Variants in BMPR1B observed in about 807,000 individuals in gnomAD.
BMPR1B encodes the protein bone morphogenetic protein receptor type 1B, also known as bone morphogenetic protein receptor type-1B.
Under a neutral mutation model 59.1 loss-of-function variants are expected in BMPR1B, and 12 were observed. That is an observed-to-expected ratio of 0.20 (90% CI 0.13 to 0.33). BMPR1B has a LOEUF of 0.33. Among genes scored for constraint, BMPR1B ranks in the 10% least tolerant of loss-of-function variants. The probability of loss-of-function intolerance (pLI) is 1.00; values close to 1 mark genes in which losing one functional copy is unlikely to be tolerated. For missense variants in BMPR1B, 550 were observed against 610.9 expected, an observed-to-expected ratio of 0.90 and a Z score of 1.05; for synonymous variants, 237 against 207.3, an observed-to-expected ratio of 1.14 and a Z score of -1.23.
intron 10 of BMPR1B, among the ~76,000 whole-genome samples, chr4:95,142,723 C>T (rs1378210372): frequency 6.6e-6 from 1 of 151,894 alleles, no homozygotes; most frequent in Non-Finnish European, 1.5e-5. Flanking sequence ...ATTGCCACAG[C>T]GGGCTGTGCT....
At chr4:95,119,279 G>A (rs1300770691) in intron 6 of BMPR1B, among the ~76,000 whole-genome samples, 2 of 152,100 alleles carry the variant, frequency 1.3e-5, no homozygotes, top group Admixed American at 6.6e-5. Flanking sequence ...CAGTCTTAAC[G>A]TATTTGTGTG....
At chr4:95,144,020 C>T (rs1241903141) in intron 10 of BMPR1B, among the ~76,000 whole-genome samples, 4 of 151,058 alleles carry the variant, frequency 2.6e-5, no homozygotes, top group Non-Finnish European at 4.4e-5. Context: ...TTTTTTTACC[C>T]CTACAGGGCT....
chr4:95,086,227 A>G (rs1167226953), intron 3 of BMPR1B, among the ~76,000 whole-genome samples: 1 of 152,114 alleles, frequency 6.6e-6, no homozygotes, highest in African/African-American at 2.4e-5. Flanking sequence ...CTATTTTTTA[A>G]AAATTAAGAA....
At chr4:94,966,852 A>T (rs1730573848) in intron 2 of BMPR1B, among the ~76,000 whole-genome samples, 2 of 152,180 alleles carry the variant, frequency 1.3e-5, no homozygotes, top group African/African-American at 4.8e-5. Context: ...TTGATATGGT[A>T]GATTTATACA....
chr4:94,795,232 G>A (rs1009653208), intron 1 of BMPR1B, among the ~76,000 whole-genome samples: 1 of 147,092 alleles, frequency 6.8e-6, no homozygotes, highest in Non-Finnish European at 1.5e-5. Flanking sequence ...AGCATGAAGG[G>A]TTGTTGAATT....
rs1412113319 is a variant in BMPR1B, at chr4:95,148,847, C to G, written c.1176C>G (p.Phe392Leu). The change falls in exon 11 of 13, where the codon TTC (phenylalanine) becomes TTG (leucine). Residue 392 changes from phenylalanine (F) to leucine (L), a missense_variant. Physicochemically the swap from Phe to Leu is conservative, Grantham distance 22. Coordinates refer to ENST00000515059, the MANE Select transcript of BMPR1B (RefSeq NM_001203.3). ...ACGAGAGCTTGAACAGAAATCACTT[C>G]CAGTCTTACATCATGGCTGACATGT... is the stretch of plus-strand genomic sequence containing the variant. ...VLDESLNRNH[F>L]QSYIMADMYS... 3 of 1,614,074 alleles carry G rather than the reference C, an allele frequency of 1.9e-6. No individual in the cohort carries two copies. The highest frequency in any genetic ancestry group is 2.2e-5 in the South Asian group (2 of 91,086).
At chr4:95,071,652 G>GTATATA (rs58148216) in intron 3 of BMPR1B, among the ~76,000 whole-genome samples, 2,200 of 84,198 alleles carry the variant, frequency 0.026, 53 homozygotes, top group East Asian at 0.092. Flanking sequence ...GTGTGTGTGT[G>GTATATA]TATATATATA....
At chr4:94,800,959 G>A (rs866084645) in intron 1 of BMPR1B, among the ~76,000 whole-genome samples, 1 of 152,154 alleles carries the variant, frequency 6.6e-6, no homozygotes, top group East Asian at 1.9e-4. Context: ...GAAGAGATGG[G>A]TATAGGTAGA....
chr4:94,846,903 G>A (rs902635466), intron 1 of BMPR1B, among the ~76,000 whole-genome samples: 1 of 151,472 alleles, frequency 6.6e-6, no homozygotes, highest in African/African-American at 2.4e-5. Flanking sequence ...AAAATTTCTT[G>A]AGTAATACTC....
At chr4:94,790,514 CT>C (rs1450012587) in intron 1 of BMPR1B, among the ~76,000 whole-genome samples, 1 of 152,092 alleles carries the variant, frequency 6.6e-6, no homozygotes, top group Admixed American at 6.6e-5. Context: ...TGCCTTCTCC[CT>C]TTTCCCCGGC....
intron 1 of BMPR1B, among the ~76,000 whole-genome samples, chr4:94,812,133 G>A (rs1019585820): frequency 6.6e-6 from 1 of 152,084 alleles, no homozygotes; most frequent in African/African-American, 2.4e-5. Context: ...AGCACTTATT[G>A]AGCATTAACT....
intron 2 of BMPR1B, among the ~76,000 whole-genome samples, chr4:94,911,385 A>C (rs1560543363): frequency 1.3e-5 from 2 of 152,248 alleles, no homozygotes; most frequent in South Asian, 2.1e-4. Context: ...AACATAGAAG[A>C]AGCTTGTTGG....
intron 1 of BMPR1B, among the ~76,000 whole-genome samples, chr4:94,831,270 G>A (rs1180567437): frequency 8.5e-6 from 1 of 117,752 alleles, no homozygotes; most frequent in Non-Finnish European, 1.9e-5. Flanking sequence ...AAAGCTTATA[G>A]AATAAGGATA....
Position 95,130,044 on chromosome 4 carries a change from A to C in BMPR1B, c.768A>C (p.Glu256Asp). 1 of 1,613,858 alleles carries C rather than the reference A, an allele frequency of 6.2e-7. No homozygotes were observed. Among genetic ancestry groups the C allele is most frequent in the Non-Finnish European group, 8.5e-7 (1 of 1,179,812 alleles). The change falls in exon 9 of 13, where the codon GAA becomes GAC. Residue 256 changes from glutamate to aspartate, a missense_variant. Glu to Asp is a conservative substitution (Grantham distance 45). Transcript: ENST00000515059. ...EIYQTVLMRH[E>D]NILGFIAADI... The stretch of plus-strand genomic sequence containing the variant: ...ATCAGACAGTGTTGATGAGGCATGA[A>C]AACATTTTGGGTGAGTAAAAGTCTG...
At chr4:95,005,508 A>G (rs1332599531) in intron 3 of BMPR1B, among the ~76,000 whole-genome samples, 1 of 151,804 alleles carries the variant, frequency 6.6e-6, no homozygotes, top group Non-Finnish European at 1.5e-5. Context: ...CAGCCCACCC[A>G]CCCAGCCAGG....
At chr4:94,900,796 G>A (rs1258002297) in intron 2 of BMPR1B, among the ~76,000 whole-genome samples, 5 of 151,858 alleles carry the variant, frequency 3.3e-5, no homozygotes, top group Non-Finnish European at 5.9e-5. Flanking sequence ...CCAAAAAAGG[G>A]TATACTTCTA....
intron 2 of BMPR1B, among the ~76,000 whole-genome samples, chr4:94,964,618 A>T (rs1384767064): frequency 1.3e-5 from 2 of 152,168 alleles, no homozygotes; most frequent in Admixed American, 6.5e-5. Context: ...TATAAAATGG[A>T]TTAAAGCGGA....
chr4:94,895,217 C>G (rs1224024313), intron 2 of BMPR1B, among the ~76,000 whole-genome samples: 1 of 151,886 alleles, frequency 6.6e-6, no homozygotes, highest in East Asian at 1.9e-4. Context: ...TCCCTCATTG[C>G]TTGGATTAAT....
At chr4:94,766,751 G>A (rs1440744492) in intron 1 of BMPR1B, among the ~76,000 whole-genome samples, 2 of 151,728 alleles carry the variant, frequency 1.3e-5, no homozygotes, top group Non-Finnish European at 2.9e-5. Context: ...ACTGAATTGA[G>A]AGCATAATAT....
Sources: gnomAD v4.1 joint callset for allele counts (sites outside exome capture counted in the v4.1 genomes callset) on GRCh38, gnomAD v4.1.1 for gene constraint, MANE v1.5 for transcripts, NCBI Gene and HGNC (gene_info 2026-07-23, HGNC 2026-07-21) for gene names.